Variants in RAD54B observed in about 807,000 individuals in gnomAD.
The protein encoded by RAD54B is RAD54 homolog B, also known as DNA repair and recombination protein RAD54B.
A neutral mutation model predicts 95.8 loss-of-function variants in RAD54B; 78 were observed. That is an observed-to-expected ratio of 0.81 (90% CI 0.68 to 0.98). The LOEUF is 0.98. RAD54B is among the 50% of genes least tolerant of loss of function. The probability of loss-of-function intolerance (pLI) is 0.00; values close to 1 mark genes in which losing one functional copy is unlikely to be tolerated. For synonymous variants in RAD54B, 328 were observed against 354.9 expected, an observed-to-expected ratio of 0.92 and a Z score of 0.85; for missense variants, 957 against 1,056.6, an observed-to-expected ratio of 0.91 and a Z score of 1.31.
At chr8:94,374,726 A>G (rs1586113531) in intron 14 of RAD54B, among the ~76,000 whole-genome samples, 1 of 152,204 alleles carries the variant, frequency 6.6e-6, no homozygotes, top group Non-Finnish European at 1.5e-5. Context: ...AATATTTCAC[A>G]AGGAAGATAT....
intron 4 of RAD54B, among the ~76,000 whole-genome samples, chr8:94,410,490 ATGTAGAACAGATTTTATAGT>A (rs772796800): frequency 9.9e-5 from 15 of 152,236 alleles, no homozygotes; most frequent in Admixed American, 2.0e-4. Context: ...GTAAATAAAC[ATGTAGAACAGATTTTATAGT>A]TATAGGTCAC....
intron 3 of RAD54B, among the ~76,000 whole-genome samples, chr8:94,420,234 G>C (rs1449168285): frequency 4.0e-5 from 6 of 149,732 alleles, no homozygotes; most frequent in Non-Finnish European, 8.9e-5. Context: ...TGTAGTAAAA[G>C]CGCCAAAGAA....
At chr8:94,444,553 T>C (rs1812476509) in intron 3 of RAD54B, among the ~76,000 whole-genome samples, 1 of 152,166 alleles carries the variant, frequency 6.6e-6, no homozygotes, top group Non-Finnish European at 1.5e-5. Context: ...ATGAGAACTG[T>C]AAATAATTCT....
intron 3 of RAD54B, among the ~76,000 whole-genome samples, chr8:94,442,529 C>T (rs1409561749): frequency 2.0e-5 from 3 of 147,616 alleles, no homozygotes; most frequent in African/African-American, 5.0e-5. Flanking sequence ...GAGCCGAGAT[C>T]GCGCCACCGC....
intron 10 of RAD54B, among the ~76,000 whole-genome samples, chr8:94,391,219 C>G (rs1811009025): frequency 6.6e-6 from 1 of 151,520 alleles, no homozygotes; most frequent in South Asian, 2.1e-4. Flanking sequence ...GTATCACTTT[C>G]AAAATGAGAA....
intron 3 of RAD54B, among the ~76,000 whole-genome samples, chr8:94,422,186 G>A (rs1263232152): frequency 6.6e-6 from 1 of 152,080 alleles, no homozygotes; most frequent in East Asian, 1.9e-4. Context: ...CTGAGAGTAT[G>A]TTTTGATTTG....
intron 3 of RAD54B, among the ~76,000 whole-genome samples, chr8:94,454,011 G>T (rs944170642): frequency 1.3e-5 from 2 of 151,944 alleles, no homozygotes; most frequent in Non-Finnish European, 2.9e-5. Flanking sequence ...GGCTGGTCTT[G>T]AACTCCTGAC....
intron 3 of RAD54B, among the ~76,000 whole-genome samples, chr8:94,448,694 TAA>T (rs112849710): frequency 1.4e-5 from 2 of 138,312 alleles, no homozygotes; most frequent in Non-Finnish European, 1.6e-5. Flanking sequence ...AATGTTACTT[TAA>T]AAAAAAAAAA....
At chr8:94,374,998 T>C (rs773998157) in intron 14 of RAD54B, among the ~76,000 whole-genome samples, 1 of 152,180 alleles carries the variant, frequency 6.6e-6, no homozygotes, top group Non-Finnish European at 1.5e-5. Context: ...TACTATCAGA[T>C]TGGCAAATAT....
Position 94,407,648 on chromosome 8 carries a change from A to G in RAD54B, c.572T>C (p.Ile191Thr). The change falls in exon 5 of 15, where the codon ATA becomes ACA. Residue 191 changes from isoleucine to threonine, a missense_variant. By Grantham distance (89) the Ile-to-Thr change is moderately conservative. Transcript: ENST00000336148. ...TGGAGAGATTACACCCATGACTTCT[A>G]TTTCTTTTCCACAAATCATCAGTGT... ...GQTLMICGKE[I>T]EVMGVISPDD... The G allele has an allele frequency of 6.2e-7, 1 of 1,613,992 alleles. No homozygotes were observed. Among genetic ancestry groups the G allele is most frequent in the Non-Finnish European group, 8.5e-7 (1 of 1,179,922 alleles).
chr8:94,390,645 CA>C (rs1810996874), intron 10 of RAD54B, among the ~76,000 whole-genome samples: 1 of 130,126 alleles, frequency 7.7e-6, no homozygotes. Flanking sequence ...ATTTCCTCAC[CA>C]AAAAAATGGG....
In RAD54B at chr8:94,391,695, A is replaced by G; in HGVS notation, c.1723T>C (p.Leu575=). The change falls in exon 10 of 15, where the codon TTG becomes CTG. Residue 575 remains leucine (L), a synonymous_variant. Transcript: ENST00000336148. ...ATTAGATGGGGACTATTTTCCAACA[A>G]CCCTTGAAGGCAGAACCTGACAACC... is the stretch of plus-strand genomic sequence containing the variant. ...SQVVRFCLQG[L]LENSPHLICI... is the part of the protein sequence containing the mutation. 1 of 1,614,002 alleles carries G rather than the reference A, an allele frequency of 6.2e-7. No individual in the cohort carries two copies. The highest frequency in any genetic ancestry group is 1.3e-5 in the African/African-American group (1 of 74,990).
chr8:94,428,862 A>G, intron 3 of RAD54B: 1 of 983,386 alleles, frequency 1.0e-6, no homozygotes, highest in Non-Finnish European at 1.2e-6. Flanking sequence ...AAAAAAGAAG[A>G]AAAAAAAAGG....
chr8:94,399,930 G>C (rs1357571943), intron 7 of RAD54B, among the ~76,000 whole-genome samples: 3 of 152,138 alleles, frequency 2.0e-5, no homozygotes, highest in Non-Finnish European at 2.9e-5. Flanking sequence ...AAGAAAGGAA[G>C]TTCTGGTGTC....
Position 94,467,799 on chromosome 8 carries a change from G to A in RAD54B, c.-16-244C>T, listed in dbSNP as rs181902074. The A allele has an allele frequency of 3.0e-5, 9 of 300,520 alleles. No homozygotes were observed. In the East Asian group the frequency reaches 4.6e-4, roughly 15 times the overall value. The allele number at this position is 300,520 out of a possible 1,614,324, so 18.6% of individuals were successfully genotyped here. ...CAAGAAGGTAATAGCTTAAAATAAT[G>A]GTGAGGGAAGTTAGATTGACAAAAT... On this transcript the variant is annotated intron_variant, in intron 1 of 14. Transcript: ENST00000336148.
chr8:94,383,550 A>T (rs1229476612), intron 11 of RAD54B, among the ~76,000 whole-genome samples: 6 of 152,340 alleles, frequency 3.9e-5, no homozygotes, highest in Non-Finnish European at 7.3e-5. Flanking sequence ...AACTTTCACT[A>T]CAGTATACTG....
chr8:94,431,157 G>C lies in RAD54B; in HGVS notation c.305-19842C>G, dbSNP rs548001243. 15 of 917,448 alleles carry C rather than the reference G, an allele frequency of 1.6e-5. No homozygotes were observed. The East Asian group carries it at 1.5e-3, about 94-fold the overall frequency. The allele number at this position is 917,448 out of a possible 1,614,324, so 56.8% of individuals were successfully genotyped here. On this transcript the variant is annotated intron_variant, in intron 3 of 14. Transcript: ENST00000336148. ...TTAATATGTATGCTTTAAGAATTGA[G>C]GTTTTATTTCCATGAATACTAAAAT... is the stretch of plus-strand genomic sequence containing the variant.
At chr8:94,452,272 T>G (rs967644311) in intron 3 of RAD54B, among the ~76,000 whole-genome samples, 11 of 152,322 alleles carry the variant, frequency 7.2e-5, no homozygotes, top group African/African-American at 2.4e-4. Flanking sequence ...ACAGAAACAT[T>G]CAGACCATAG....
intron 3 of RAD54B, chr8:94,428,247 A>G: frequency 1.1e-6 from 1 of 942,958 alleles, no homozygotes; most frequent in South Asian, 4.9e-5. Context: ...CATTTAAAAA[A>G]CAAAATCACT....
Sources: allele counts gnomAD v4.1 joint callset (sites outside exome capture counted in the v4.1 genomes callset), GRCh38; gene constraint gnomAD v4.1.1; transcripts MANE v1.5; gene names NCBI Gene and HGNC (gene_info 2026-07-23, HGNC 2026-07-21).